The following MRPS2 variants were observed in gnomAD, a reference collection of about 807,000 sequenced individuals.
MRPS2 encodes the protein mitochondrial ribosomal protein S2.
A neutral mutation model predicts 18.9 loss-of-function variants in MRPS2; 13 were observed. That is an observed-to-expected ratio of 0.69 (90% CI 0.45 to 1.09). The LOEUF (loss-of-function observed/expected upper bound fraction) is 1.09. MRPS2 is among the 50% of genes least tolerant of loss of function. The probability of loss-of-function intolerance (pLI) is 0.00; values close to 1 mark genes in which losing one functional copy is unlikely to be tolerated. For missense variants in MRPS2, 389 were observed against 421.7 expected, an observed-to-expected ratio of 0.92 and a Z score of 0.68; for synonymous variants, 186 against 178.4, an observed-to-expected ratio of 1.04 and a Z score of -0.34.
chr9:135,504,404 C>T lies in MRPS2; in HGVS notation c.*271C>T, dbSNP rs1831242875. The T allele has an allele frequency of 1.9e-6, 1 of 515,506 alleles. No individual in the cohort carries two copies. The highest frequency in any genetic ancestry group is 3.4e-6 in the Non-Finnish European group (1 of 291,140). 31.9% of individuals were successfully genotyped at this position (515,506 alleles called of 1,614,324 possible). On this transcript the variant is annotated 3_prime_UTR_variant, in exon 4 of 4. Transcript: ENST00000241600. The surrounding 1 kb of genome is among the most constrained non-coding windows in gnomAD (Gnocchi z 4.3). Reference sequence around the variant, plus strand: ...TTAGGACCTCAGTGGCTGGTATGGCCAAGCTGCTAGAAGATGCTGCTGTCC... The same window carrying T: ...TTAGGACCTCAGTGGCTGGTATGGCTAAGCTGCTAGAAGATGCTGCTGTCC...
rs1178444848 is a variant in MRPS2, at chr9:135,500,736, C to T, written c.26C>T (p.Pro9Leu). ...ATGGCGACATCCTCGGCCGCGCTGC[C>T]CCGAATACTCGGCGCGGGTGAGCGC... MATSSAAL[P>L]RILGAGARAP... Residue 9 changes from proline (P) to leucine (L), a missense_variant, in exon 1 of 4, where the codon CCC becomes CTC. Pro to Leu is a moderately conservative substitution (Grantham distance 98, BLOSUM62 -3). Transcript: ENST00000241600. The T allele has an allele frequency of 6.7e-7, 1 of 1,486,776 alleles. No homozygotes were observed. The allele number at this position is 1,486,776 out of a possible 1,614,324, so 92.1% of individuals were successfully genotyped here.
At chr9:135,502,294 T>A in intron 3 of MRPS2, 1 of 1,146,534 alleles carries the variant, frequency 8.7e-7, no homozygotes. Flanking sequence ...GGGCTGGGCC[T>A]TCTGGGCTGC....
intron 2 of MRPS2, 184 bp downstream of exon 2, chr9:135,501,307 A>G (rs1391461442): frequency 2.8e-6 from 4 of 1,416,024 alleles, no homozygotes; most frequent in Non-Finnish European, 3.7e-6. Flanking sequence ...GGCTGAGGCC[A>G]CCGCCTCACC....
At chr9:135,501,672 T>G in intron 2 of MRPS2, 172 bp from the exon 3 acceptor site, 4 of 1,426,318 alleles carry the variant, frequency 2.8e-6, no homozygotes, top group Non-Finnish European at 2.7e-6. Flanking sequence ...AGCCCTCTGT[T>G]TCCTGAAAAG....
rs1483081380 is a variant in MRPS2, at chr9:135,504,029, AAGC to A, written c.788_790del (p.Lys263del). 1 of 1,613,278 alleles carries A rather than the reference AAGC, an allele frequency of 6.2e-7. No homozygotes were observed. Among genetic ancestry groups the A allele is most frequent in the Non-Finnish European group, 8.5e-7 (1 of 1,180,012 alleles). ...GACGGCCATCACCCGGGCCAAGGAGAAGCGGCAGCAGGTTGAGGCTCTCTATCG... is the reference window on the plus strand; with the variant it reads ...GACGGCCATCACCCGGGCCAAGGAGAGGCAGCAGGTTGAGGCTCTCTATCG... On this transcript the variant is annotated inframe_deletion, in exon 4 of 4. Transcript: ENST00000241600. The surrounding 1 kb of genome is among the most constrained non-coding windows in gnomAD (Gnocchi z 4.3).
intron 2 of MRPS2, chr9:135,501,417 G>C (rs937600398): frequency 3.4e-6 from 4 of 1,173,212 alleles, no homozygotes; most frequent in Admixed American, 4.0e-5. Context: ...CCCCGAGCTC[G>C]CCCAGGCGGG....
chr9:135,500,573 G>A, upstream of MRPS2: 1 of 964,530 alleles, frequency 1.0e-6, no homozygotes, highest in Non-Finnish European at 1.4e-6. Flanking sequence ...CCCGCAGGGA[G>A]GTCCCAGCCG....
chr9:135,501,431 A>G (rs1422152392), intron 2 of MRPS2: 2 of 1,114,908 alleles, frequency 1.8e-6, no homozygotes, highest in African/African-American at 1.7e-5. Flanking sequence ...AGGCGGGCCC[A>G]AGTGACCTGG....
chr9:135,500,752 G>A lies in MRPS2; in HGVS notation c.42G>A (p.Ala14=). The stretch of plus-strand genomic sequence containing the variant: ...CCGCGCTGCCCCGAATACTCGGCGC[G>A]GGTGAGCGCGCGCTTGCGGGACCCT... ...SSAALPRILG[A]GARAPSRWLG... is the part of the protein sequence containing the mutation. Residue 14 remains alanine (A), a splice_region_variant and synonymous_variant, in exon 1 of 4, where the codon GCG becomes GCA. Transcript: ENST00000241600. The A allele has an allele frequency of 1.4e-6, 2 of 1,478,544 alleles. No individual in the cohort carries two copies. Among genetic ancestry groups the A allele is most frequent in the Non-Finnish European group, 1.8e-6 (2 of 1,120,984 alleles). 91.6% of individuals were successfully genotyped at this position (1,478,544 alleles called of 1,614,324 possible).
Position 135,501,249 on chromosome 9 carries a change from C to T in MRPS2, c.169+126C>T, listed in dbSNP as rs937695723. ...AACTGCGCGCTCCGCTGGGCTCCTCCCACTCCCGTGCTCGCCGCCGCTCGG... is the reference window on the plus strand; with the variant it reads ...AACTGCGCGCTCCGCTGGGCTCCTCTCACTCCCGTGCTCGCCGCCGCTCGG... On this transcript the variant is annotated intron_variant, in intron 2 of 3. Transcript: ENST00000241600. The T allele has an allele frequency of 2.1e-6, 3 of 1,436,300 alleles. No homozygotes were observed. The African/African-American group carries it at 4.3e-5, about 21-fold the overall frequency. 89.0% of individuals were successfully genotyped at this position (1,436,300 alleles called of 1,614,324 possible).
At position 135,503,750 on chromosome 9, in the gene MRPS2, T is replaced by G; in HGVS notation, c.508T>G (p.Tyr170Asp). Residue 170 changes from tyrosine to aspartate, a missense_variant, in exon 4 of 4, where the codon TAC (tyrosine) becomes GAC (aspartate). Tyr to Asp is a radical substitution (Grantham distance 160). Coordinates refer to ENST00000241600, the MANE Select transcript of MRPS2 (RefSeq NM_016034.5). ...CTGTGGCGAGTACGCCCACACTCGC[T>G]ACTTCAGGGGCGGCATGCTGACCAA... ...RDCGEYAHTR[Y>D]FRGGMLTNAR... 6.2e-7 allele frequency: 1 copy of G among 1,613,084 alleles called. No individual in the cohort carries two copies. The highest frequency in any genetic ancestry group is 8.5e-7 in the Non-Finnish European group (1 of 1,179,990).
chr9:135,501,601 G>C, intron 2 of MRPS2: 15 of 1,277,432 alleles, frequency 1.2e-5, no homozygotes, highest in Non-Finnish European at 1.5e-5. Flanking sequence ...ACCAAGGGAC[G>C]GGGTTGACCA....
At position 135,503,603 on chromosome 9, in the gene MRPS2, A is replaced by C. The variant is rs762818681; in HGVS notation, c.361A>C (p.Thr121Pro). 1 of 1,613,724 alleles carries C rather than the reference A, an allele frequency of 6.2e-7. No homozygotes were observed. Among genetic ancestry groups the C allele is most frequent in the South Asian group, 1.1e-5 (1 of 91,070 alleles). The change falls in exon 4 of 4, where the codon ACA becomes CCA. Residue 121 changes from threonine (T) to proline (P), a missense_variant. By Grantham distance (38) the Thr-to-Pro change is conservative. Coordinates refer to ENST00000241600, the MANE Select transcript of MRPS2 (RefSeq NM_016034.5). ...CCACGACATCATCGACCTGGAACAGACAGCCACGCACCTCCAGCTGGCCTT... is the reference window on the plus strand; with the variant it reads ...CCACGACATCATCGACCTGGAACAGCCAGCCACGCACCTCCAGCTGGCCTT... ...LDHDIIDLEQ[T>P]ATHLQLALNF...
intron 2 of MRPS2, chr9:135,501,442 G>C: frequency 9.6e-7 from 1 of 1,044,394 alleles, no homozygotes. Context: ...AGTGACCTGG[G>C]GGCACTGGGC....
chr9:135,502,031 T>A, intron 3 of MRPS2, 58 bp downstream of exon 3: 1 of 1,609,658 alleles, frequency 6.2e-7, no homozygotes, highest in Non-Finnish European at 8.5e-7. Flanking sequence ...TGGGACCTGC[T>A]CTGGTTCTAG....
At chr9:135,501,209 G>T in intron 2 of MRPS2, 86 bp downstream of exon 2, 1 of 1,460,300 alleles carries the variant, frequency 6.8e-7, no homozygotes, top group South Asian at 1.4e-5. Flanking sequence ...GGGCCTGGGC[G>T]CTGCACGCGG....
intron 3 of MRPS2, chr9:135,502,311 G>A: frequency 9.1e-7 from 1 of 1,095,872 alleles, no homozygotes; most frequent in Non-Finnish European, 1.1e-6. Context: ...CTGCGGGGAG[G>A]AGGAATGACT....
chr9:135,502,328 G>T, intron 3 of MRPS2: 3 of 799,054 alleles, frequency 3.8e-6, no homozygotes, highest in Non-Finnish European at 4.7e-6. Context: ...GACTGGTCCT[G>T]TATTCTCACA....
intron 3 of MRPS2, 147 bp from the exon 4 acceptor site, chr9:135,503,395 G>A: frequency 7.2e-7 from 1 of 1,394,134 alleles, no homozygotes; most frequent in Non-Finnish European, 9.4e-7. Flanking sequence ...ATGCACACGG[G>A]GAGCGTTGCA....
Sources: gnomAD v4.1 joint callset for allele counts on GRCh38, gnomAD v4.1.1 for gene constraint, Gnocchi (gnomAD v3.1) non-coding constraint, MANE v1.5 for transcripts, NCBI Gene and HGNC (gene_info 2026-07-23, HGNC 2026-07-21) for gene names.